HS6ST2: variants seen among roughly 807,000 people sequenced by gnomAD.
HS6ST2 encodes heparan-sulfate 6-O-sulfotransferase 2.
Under a neutral mutation model 33.0 loss-of-function variants are expected in HS6ST2, and 17 were observed. The ratio of observed to expected loss-of-function variants is 0.52; its 90% confidence interval spans 0.35 to 0.77. HS6ST2 has a LOEUF of 0.77. Among genes scored for constraint, HS6ST2 ranks in the 30% least tolerant of loss-of-function variants. The pLI is 0.01. For synonymous variants in HS6ST2, 248 were observed against 237.1 expected, an observed-to-expected ratio of 1.05 and a Z score of -0.42; for missense variants, 519 against 551.7, an observed-to-expected ratio of 0.94 and a Z score of 0.59.
chrX:132,769,227 C>T (rs1389929393), intron 2 of HS6ST2, among the ~76,000 whole-genome samples: 4 of 112,482 alleles, frequency 3.6e-5, no homozygotes, highest in Non-Finnish European at 7.5e-5. Context: ...TTCCCAACCA[C>T]AAATTATCCT....
chrX:132,702,794 C>T (rs1282475857), intron 3 of HS6ST2, among the ~76,000 whole-genome samples: 21 of 107,059 alleles, frequency 2.0e-4, no homozygotes, highest in Non-Finnish European at 3.8e-5. Context: ...TTTTCAATTT[C>T]CCTCCAACAC....
chrX:132,858,972 G>A (rs376845601), intron 2 of HS6ST2, among the ~76,000 whole-genome samples: 5 of 112,118 alleles, frequency 4.5e-5, no homozygotes, highest in South Asian at 7.5e-4. Flanking sequence ...TCATTTTCTC[G>A]GCCAGGTGTC....
At position 132,833,302 on chromosome X, in the gene HS6ST2, A is replaced by G. The variant is rs183542351; in HGVS notation, c.947+123506T>C. 2.3e-3 allele frequency among the ~76,000 whole-genome samples: 253 copies of G among 111,447 alleles called. 2 individuals carry two copies. Among genetic ancestry groups the G allele is most frequent in the African/African-American group, 7.8e-3 (239 of 30,705 alleles). ...TCCAAGATTCATTCATTGGAATGTG[A>G]GTGCCAGCTGTGACATTAGGGCAAT... On this transcript the variant is annotated intron_variant, in intron 2 of 4. Coordinates refer to ENST00000370833, the MANE Select transcript of HS6ST2 (RefSeq NM_001394073.1).
intron 2 of HS6ST2, among the ~76,000 whole-genome samples, chrX:132,910,330 C>A (rs889503475): frequency 1.8e-5 from 2 of 111,268 alleles, no homozygotes; most frequent in African/African-American, 6.5e-5. Flanking sequence ...AATTCTTGTT[C>A]ACCAGTTTTG....
intron 2 of HS6ST2, among the ~76,000 whole-genome samples, chrX:132,829,182 A>ATG (rs2065561477): frequency 1.6e-5 from 1 of 64,047 alleles, no homozygotes; most frequent in Non-Finnish European, 2.9e-5. Flanking sequence ...AGGAACATAT[A>ATG]TATATATATA....
intron 4 of HS6ST2, among the ~76,000 whole-genome samples, chrX:132,639,578 T>C (rs1300867407): frequency 1.8e-5 from 2 of 111,657 alleles, no homozygotes; most frequent in African/African-American, 6.5e-5. Context: ...TCAAGCTTCC[T>C]GCCTGACTTT....
At chrX:132,744,709 T>C (rs1010720582) in intron 2 of HS6ST2, among the ~76,000 whole-genome samples, 2 of 111,472 alleles carry the variant, frequency 1.8e-5, no homozygotes, top group African/African-American at 6.5e-5. Context: ...CAGGGTTATG[T>C]AAACACACCC....
intron 2 of HS6ST2, among the ~76,000 whole-genome samples, chrX:132,895,475 A>T (rs751877918): frequency 1.1e-3 from 124 of 111,615 alleles, no homozygotes; most frequent in Non-Finnish European, 2.1e-3. Flanking sequence ...ACACATATAT[A>T]TGATATATAT....
chrX:132,766,980 A>G (rs1401924001), intron 2 of HS6ST2, among the ~76,000 whole-genome samples: 2 of 112,006 alleles, frequency 1.8e-5, no homozygotes, highest in African/African-American at 6.5e-5. Context: ...CAGCTGGCAA[A>G]TGACAGAGCT....
chrX:132,893,491 T>C (rs925730806), intron 2 of HS6ST2, among the ~76,000 whole-genome samples: 9 of 112,049 alleles, frequency 8.0e-5, no homozygotes, highest in Admixed American at 2.8e-4. Context: ...GACTTATATG[T>C]GCAAAGTTAG....
chrX:132,642,446 G>A (rs2063608056), intron 4 of HS6ST2, among the ~76,000 whole-genome samples: 1 of 111,037 alleles, frequency 9.0e-6, no homozygotes, highest in African/African-American at 3.3e-5. Context: ...GCTTTTTCTG[G>A]GGGGGTGTGG....
At chrX:132,915,012 C>T (rs2066570409) in intron 2 of HS6ST2, among the ~76,000 whole-genome samples, 1 of 112,427 alleles carries the variant, frequency 8.9e-6, no homozygotes, top group African/African-American at 3.2e-5. Flanking sequence ...GGTCAAGAAG[C>T]AGCCAAGTGA....
chrX:132,873,877 C>A (rs1315585752), intron 2 of HS6ST2, among the ~76,000 whole-genome samples: 1 of 110,947 alleles, frequency 9.0e-6, no homozygotes, highest in Admixed American at 9.7e-5. Flanking sequence ...TGTGAGCAGC[C>A]CTCAATGCAG....
intron 2 of HS6ST2, among the ~76,000 whole-genome samples, chrX:132,893,504 G>T (rs932240499): frequency 7.1e-5 from 8 of 112,055 alleles, no homozygotes; most frequent in Non-Finnish European, 1.3e-4. Context: ...AAAGTTAGGG[G>T]TCTAAGGCTC....
At chrX:132,632,790 G>A (rs558163921) in intron 4 of HS6ST2, among the ~76,000 whole-genome samples, 1 of 110,865 alleles carries the variant, frequency 9.0e-6, no homozygotes, top group South Asian at 3.9e-4. Context: ...AGAATTAGAT[G>A]AGGCAACTGG....
chrX:132,895,643 T>C (rs2066366842), intron 2 of HS6ST2, among the ~76,000 whole-genome samples: 1 of 111,675 alleles, frequency 9.0e-6, no homozygotes. Flanking sequence ...GGAATATCTA[T>C]TACTGTACTA....
At chrX:132,941,304 T>C (rs1214460305) in intron 2 of HS6ST2, among the ~76,000 whole-genome samples, 3 of 111,603 alleles carry the variant, frequency 2.7e-5, no homozygotes. Flanking sequence ...CTGGCTGCAT[T>C]AAACAGTCCA....
intron 3 of HS6ST2, among the ~76,000 whole-genome samples, chrX:132,694,584 A>T (rs2064089176): frequency 9.0e-6 from 1 of 111,252 alleles, no homozygotes; most frequent in Admixed American, 9.6e-5. Context: ...TGGGCTGGGA[A>T]AAGAGGAATG....
At chrX:132,715,116 C>G (rs1323408129) in intron 2 of HS6ST2, among the ~76,000 whole-genome samples, 1 of 111,803 alleles carries the variant, frequency 8.9e-6, no homozygotes, top group Non-Finnish European at 1.9e-5. Context: ...ATTCAGAACT[C>G]AAGTGGCTGC....
Sources: gnomAD v4.1 joint callset for allele counts (sites outside exome capture counted in the v4.1 genomes callset) on GRCh38, gnomAD v4.1.1 for gene constraint, MANE v1.5 for transcripts, NCBI Gene and HGNC (gene_info 2026-07-23, HGNC 2026-07-21) for gene names.